The following SMN1 variants were observed in gnomAD, a reference collection of about 807,000 sequenced individuals.
The protein encoded by SMN1 is survival motor neuron protein.
For synonymous variants in SMN1, 3 were observed against 5.1 expected (o/e 0.58, Z 0.56); for missense variants, 15 against 17.1 (o/e 0.88, Z 0.22).
At chr5:70,951,849 A>G in intron 7 of SMN1, 92 bp from the exon 8 acceptor site, 1 of 900,122 alleles carries the variant, frequency 1.1e-6, no homozygotes, top group Non-Finnish European at 1.8e-6. Flanking sequence ...TTGTGAAACA[A>G]AATGCTTTTT....
chr5:70,959,225 G>A, the SMN1 span, among the ~76,000 whole-genome samples: 12 of 148,940 alleles, frequency 8.1e-5, no homozygotes, highest in Admixed American at 8.1e-4. Context: ...ATGGACACAG[G>A]AAGGGGAACA....
chr5:70,950,928 T>C (rs1749693567), intron 7 of SMN1, among the ~76,000 whole-genome samples: 1 of 151,250 alleles, frequency 6.6e-6, no homozygotes, highest in African/African-American at 2.4e-5. Context: ...CGTGAGCCAC[T>C]GTGCCCGGCC....
the SMN1 span, among the ~76,000 whole-genome samples, chr5:70,960,161 T>G: frequency 2.7e-5 from 4 of 150,762 alleles, no homozygotes; most frequent in Admixed American, 1.3e-4. Flanking sequence ...TTAAGAACTT[T>G]TAATTTTCTG....
At chr5:70,958,715 A>C (rs1749955388), downstream of SMN1, among the ~76,000 whole-genome samples, 1 of 139,808 alleles carries the variant, frequency 7.2e-6, no homozygotes, top group Non-Finnish European at 1.6e-5. Context: ...ACGTTTGCTG[A>C]GGAGAGCTTT....
At chr5:70,944,387 GTC>G (rs1749506558) in intron 5 of SMN1, 1 of 146,096 alleles carries the variant, frequency 6.8e-6, no homozygotes, top group African/African-American at 2.9e-5. Context: ...TAAATAGACT[GTC>G]TCTGATTTAT....
chr5:70,960,583 A>C, the SMN1 span, among the ~76,000 whole-genome samples: 1 of 143,532 alleles, frequency 7.0e-6, no homozygotes, highest in Admixed American at 7.1e-5. Context: ...TGGTATTCCA[A>C]GGTGCATGCG....
chr5:70,953,333 T>A (rs1185195583), downstream of SMN1: 5 of 87,424 alleles, frequency 5.7e-5, 2 homozygotes, highest in East Asian at 3.7e-3. Flanking sequence ...AGTTTTGTAT[T>A]TTTAGTAGAG....
intron 7 of SMN1, 121 bp from the exon 8 acceptor site, chr5:70,951,820 A>G: frequency 1.5e-6 from 1 of 646,764 alleles, no homozygotes; most frequent in Admixed American, 2.9e-5. Flanking sequence ...ATTTTGTTGA[A>G]TAAAATAAGT....
chr5:70,960,204 CTA>C, the SMN1 span, among the ~76,000 whole-genome samples: 11 of 150,002 alleles, frequency 7.3e-5, no homozygotes, highest in Non-Finnish European at 1.5e-4. Flanking sequence ...ACCATTTTAA[CTA>C]TTTGTTTTTA....
chr5:70,954,642 C>T (rs1260933625), downstream of SMN1, among the ~76,000 whole-genome samples: 1 of 33,922 alleles, frequency 2.9e-5, no homozygotes, highest in African/African-American at 7.2e-5. Context: ...CACCTGAGAT[C>T]AGGAGTTCCA....
chr5:70,956,872 T>C (rs1042050712), downstream of SMN1, among the ~76,000 whole-genome samples: 1 of 137,906 alleles, frequency 7.3e-6, no homozygotes, highest in Non-Finnish European at 1.6e-5. Flanking sequence ...GGTAGCTTGA[T>C]GGGGATGGCA....
At position 70,952,013 on chromosome 5, in the gene SMN1, T is replaced by C; in HGVS notation, c.*3+19T>C. 1 of 1,610,944 alleles carries C rather than the reference T, an allele frequency of 6.2e-7. No homozygotes were observed. The highest frequency in any genetic ancestry group is 2.2e-5 in the East Asian group (1 of 44,748). ...TTAAGGAGTAAGTCTGCCAGCATTATGAAAGTGAATCTTACTTTTGTAAAA... is the reference window on the plus strand; with the variant it reads ...TTAAGGAGTAAGTCTGCCAGCATTACGAAAGTGAATCTTACTTTTGTAAAA... On this transcript the variant is annotated intron_variant, in intron 8 of 8. Coordinates refer to ENST00000380707, the MANE Select transcript of SMN1 (RefSeq NM_000344.4).
At chr5:70,946,513 C>CTT (rs1233804907) in intron 7 of SMN1, among the ~76,000 whole-genome samples, 12 of 3,280 alleles carry the variant, frequency 3.7e-3, no homozygotes, top group Admixed American at 5.5e-3. Context: ...AAATGAAATT[C>CTT]TTTTTTTTTT....
At chr5:70,958,755 AGGTGT>A (rs1561505885), downstream of SMN1, among the ~76,000 whole-genome samples, 1 of 146,716 alleles carries the variant, frequency 6.8e-6, no homozygotes, top group African/African-American at 2.5e-5. Flanking sequence ...ATTTTGGAAT[AGGTGT>A]GGTGTGGTGC....
At chr5:70,960,781 C>T in the SMN1 span, among the ~76,000 whole-genome samples, 1 of 147,934 alleles carries the variant, frequency 6.8e-6, no homozygotes, top group Non-Finnish European at 1.5e-5. Flanking sequence ...CTGCAACCTC[C>T]TCCTCCCGGG....
rs182485579 is a variant in SMN1, at chr5:70,951,036, G to A, written c.835-905G>A. On this transcript the variant is annotated intron_variant, in intron 7 of 8. Transcript: ENST00000380707. ...GATCCGCCCGCCTTGGCCTCCAAAA[G>A]TGCAAGGCATTACAGGCATGAGCCA... 7.2e-5 allele frequency among the ~76,000 whole-genome samples: 11 copies of A among 151,880 alleles called. 1 individual carries two copies. Among genetic ancestry groups the A allele is most frequent in the African/African-American group, 2.4e-4 (10 of 41,378 alleles).
chr5:70,956,759 A>T (rs1749915597), downstream of SMN1, among the ~76,000 whole-genome samples: 1 of 148,934 alleles, frequency 6.7e-6, no homozygotes, highest in African/African-American at 2.4e-5. Flanking sequence ...TGATGCCTCC[A>T]GCTTTGTTCT....
chr5:70,954,722 A>G (rs1431013319), downstream of SMN1, among the ~76,000 whole-genome samples: 1 of 51,742 alleles, frequency 1.9e-5, no homozygotes, highest in Non-Finnish European at 4.6e-5. Flanking sequence ...GCATGGTGGC[A>G]CGCGCCTGTA....
chr5:70,963,896 T>C, the SMN1 span, among the ~76,000 whole-genome samples: 1 of 101,036 alleles, frequency 9.9e-6, no homozygotes, highest in East Asian at 2.5e-4. Flanking sequence ...TTTTTTTTTT[T>C]TTTTTTGAGA....
Sources: allele counts gnomAD v4.1 joint callset (sites outside exome capture counted in the v4.1 genomes callset), GRCh38; gene constraint gnomAD v4.1.1; transcripts MANE v1.5; gene names NCBI Gene and HGNC (gene_info 2026-07-23, HGNC 2026-07-21).